CADM2: variants seen among roughly 807,000 people sequenced by gnomAD.
The protein encoded by CADM2 is immunoglobulin superfamily member 4D.
Under a neutral mutation model 49.8 loss-of-function variants are expected in CADM2, and 12 were observed. That is an observed-to-expected ratio of 0.24 (90% CI 0.15 to 0.39). The LOEUF is 0.39. Ranked by LOEUF, CADM2 falls within the 10% of genes least tolerant of loss-of-function variation. The pLI is 1.00. For synonymous variants in CADM2, 214 were observed against 175.4 expected, an observed-to-expected ratio of 1.22 and a Z score of -1.74; for missense variants, 378 against 492.3, an observed-to-expected ratio of 0.77 and a Z score of 2.20.
chr3:85,493,683 T>C (rs1031404063), intron 1 of CADM2, among the ~76,000 whole-genome samples: 1 of 152,210 alleles, frequency 6.6e-6, no homozygotes, highest in Admixed American at 6.5e-5. Flanking sequence ...GGCTCAGAGT[T>C]CCCTGAGGAT....
At chr3:85,982,802 G>C (rs577898767) in intron 8 of CADM2, among the ~76,000 whole-genome samples, 1 of 151,578 alleles carries the variant, frequency 6.6e-6, no homozygotes, top group Non-Finnish European at 1.5e-5. Context: ...GATTAAAAAG[G>C]ATTCATAATA....
intron 1 of CADM2, among the ~76,000 whole-genome samples, chr3:85,650,704 G>A: frequency 2.0e-5 from 3 of 151,842 alleles, no homozygotes; most frequent in Middle Eastern, 6.8e-3. Flanking sequence ...GAGCCCTCCA[G>A]GTGATTATGT....
At chr3:85,576,782 G>C (rs114013667) in intron 1 of CADM2, among the ~76,000 whole-genome samples, 12 of 152,172 alleles carry the variant, frequency 7.9e-5, no homozygotes, top group Non-Finnish European at 1.6e-4. Context: ...GTTTGAAGGA[G>C]TCATCTACTC....
intron 1 of CADM2, among the ~76,000 whole-genome samples, chr3:85,467,753 T>A (rs2038564350): frequency 6.6e-6 from 1 of 152,208 alleles, no homozygotes; most frequent in Admixed American, 6.5e-5. Flanking sequence ...CATTCACACA[T>A]ACACCATTTT....
At chr3:85,534,096 GA>G (rs1333283857) in intron 1 of CADM2, among the ~76,000 whole-genome samples, 1 of 152,044 alleles carries the variant, frequency 6.6e-6, no homozygotes, top group Non-Finnish European at 1.5e-5. Context: ...GTATTCTTTA[GA>G]AAAAAGTTCA....
At chr3:85,624,444 T>A (rs1160872565) in intron 1 of CADM2, among the ~76,000 whole-genome samples, 6 of 152,136 alleles carry the variant, frequency 3.9e-5, no homozygotes, top group Non-Finnish European at 8.8e-5. Flanking sequence ...GCAATTATCC[T>A]GCCTCAGCCT....
intron 4 of CADM2, among the ~76,000 whole-genome samples, chr3:85,885,880 T>G (rs1294687747): frequency 6.7e-6 from 1 of 149,798 alleles, no homozygotes; most frequent in African/African-American, 2.4e-5. Flanking sequence ...AATTACAATT[T>G]AATTTAAAAA....
At chr3:85,990,482 T>A (rs1728650975) in intron 8 of CADM2, among the ~76,000 whole-genome samples, 1 of 152,176 alleles carries the variant, frequency 6.6e-6, no homozygotes, top group African/African-American at 2.4e-5. Context: ...CATCTGTATG[T>A]GATTGCTTAT....
At chr3:85,701,265 C>G (rs1166874593) in intron 1 of CADM2, among the ~76,000 whole-genome samples, 1 of 152,120 alleles carries the variant, frequency 6.6e-6, no homozygotes, top group Admixed American at 6.5e-5. Flanking sequence ...AGAAACTGCA[C>G]CTGTGATCCA....
rs968544780 is a variant in CADM2 at position 85,200,940 on chromosome 3, CTT to C, written c.61+241273_61+241274del. Among the ~76,000 whole-genome samples the C allele has an allele frequency of 3.3e-5, 5 of 152,224 alleles. 1 individual carries two copies. The highest frequency in any genetic ancestry group is 6.8e-3 in the Middle Eastern group (2 of 292). ...TGTTATTATTAACCATTTTCACTCT[CTT>C]AATACAAATGTGTGTGCTCTAACTT... is the stretch of plus-strand genomic sequence containing the variant. On this transcript the variant is annotated intron_variant, in intron 1 of 9. Coordinates refer to ENST00000383699, the MANE Select transcript of CADM2 (RefSeq NM_001167675.2).
At chr3:86,020,873 C>T (rs2107035329) in intron 8 of CADM2, among the ~76,000 whole-genome samples, 1 of 152,188 alleles carries the variant, frequency 6.6e-6, no homozygotes, top group Non-Finnish European at 1.5e-5. Context: ...AAACCCACAG[C>T]CAATATCATA....
At chr3:85,185,521 A>G (rs777892043) in intron 1 of CADM2, among the ~76,000 whole-genome samples, 2 of 152,166 alleles carry the variant, frequency 1.3e-5, no homozygotes, top group Non-Finnish European at 2.9e-5. Flanking sequence ...TATTTATCAT[A>G]GTATGATATA....
chr3:85,973,214 C>A (rs1299763159), intron 8 of CADM2, among the ~76,000 whole-genome samples: 1 of 151,606 alleles, frequency 6.6e-6, no homozygotes, highest in Non-Finnish European at 1.5e-5. Flanking sequence ...GATAAAGCAC[C>A]TGTCATTTCT....
At chr3:85,511,446 A>G (rs1004774977) in intron 1 of CADM2, among the ~76,000 whole-genome samples, 1 of 152,036 alleles carries the variant, frequency 6.6e-6, no homozygotes, top group African/African-American at 2.4e-5. Context: ...AAAATTTTTC[A>G]GGAAAGTAAA....
intron 1 of CADM2, among the ~76,000 whole-genome samples, chr3:85,725,801 A>G (rs1176264205): frequency 6.6e-6 from 1 of 152,046 alleles, no homozygotes; most frequent in East Asian, 1.9e-4. Flanking sequence ...GCTGGAGTTT[A>G]GTGAATCATA....
At chr3:85,563,784 C>T (rs28738715) in intron 1 of CADM2, among the ~76,000 whole-genome samples, 1 of 152,114 alleles carries the variant, frequency 6.6e-6, no homozygotes, top group South Asian at 2.1e-4. Context: ...CCAAAATTCT[C>T]CATATAAATG....
chr3:84,988,894 A>T (rs1044859683), intron 1 of CADM2, among the ~76,000 whole-genome samples: 1 of 152,156 alleles, frequency 6.6e-6, no homozygotes, highest in Non-Finnish European at 1.5e-5. Context: ...CTGTTGTACC[A>T]CTAACATTTT....
chr3:86,044,523 A>G (rs934804510), intron 8 of CADM2, among the ~76,000 whole-genome samples: 1 of 152,202 alleles, frequency 6.6e-6, no homozygotes, highest in Admixed American at 6.5e-5. Context: ...ACCATCTCAC[A>G]CCAGTTAGAA....
chr3:85,515,629 A>ATTT (rs201585752), intron 1 of CADM2, among the ~76,000 whole-genome samples: 2 of 121,824 alleles, frequency 1.6e-5, no homozygotes, highest in East Asian at 2.5e-4. Flanking sequence ...ATATATATAT[A>ATTT]TATTTTTTTT....
Sources: allele counts gnomAD v4.1 joint callset (sites outside exome capture counted in the v4.1 genomes callset), GRCh38; gene constraint gnomAD v4.1.1; transcripts MANE v1.5; gene names NCBI Gene and HGNC (gene_info 2026-07-23, HGNC 2026-07-21).